AP3B1: variants seen among roughly 807,000 people sequenced by gnomAD.
AP3B1 encodes the protein adaptor related protein complex 3 subunit beta 1.
In AP3B1, 61 loss-of-function variants were observed where a neutral mutation model predicts 132.5. The observed-to-expected ratio is 0.46, with a 90% CI of 0.37 to 0.57. The LOEUF (loss-of-function observed/expected upper bound fraction) is 0.57. Among genes scored for constraint, AP3B1 ranks in the 20% least tolerant of loss-of-function variants. The probability of loss-of-function intolerance (pLI) is 0.00; values close to 1 mark genes in which losing one functional copy is unlikely to be tolerated. For missense variants in AP3B1, 1,120 were observed against 1,289.4 expected, an observed-to-expected ratio of 0.87 and a Z score of 2.01; for synonymous variants, 388 against 438.3, an observed-to-expected ratio of 0.89 and a Z score of 1.43.
chr5:78,177,591 C>G (rs191978467), intron 8 of AP3B1, among the ~76,000 whole-genome samples, 155 bp from the exon 9 acceptor site: 80 of 152,232 alleles, frequency 5.3e-4, no homozygotes, highest in African/African-American at 1.9e-3. Context: ...GAAGTGTCCC[C>G]CACTCCCAGT....
intron 7 of AP3B1, among the ~76,000 whole-genome samples, chr5:78,184,452 C>T (rs912611691): frequency 2.6e-5 from 4 of 151,648 alleles, no homozygotes; most frequent in African/African-American, 9.7e-5. Context: ...CTTTGGGAGG[C>T]GAGGCGGGTG....
chr5:78,204,850 C>A (rs1261389524), intron 7 of AP3B1, among the ~76,000 whole-genome samples: 1 of 152,162 alleles, frequency 6.6e-6, no homozygotes, highest in African/African-American at 2.4e-5. Flanking sequence ...GAGTTTCAGG[C>A]CCCATTTTCT....
intron 2 of AP3B1, among the ~76,000 whole-genome samples, chr5:78,252,244 A>C (rs927108973): frequency 2.6e-5 from 4 of 152,014 alleles, no homozygotes; most frequent in Non-Finnish European, 4.4e-5. Flanking sequence ...TTCAGGTGAG[A>C]CTCAGCACAT....
At chr5:78,245,576 T>C (rs1283748638) in intron 2 of AP3B1, among the ~76,000 whole-genome samples, 1 of 152,142 alleles carries the variant, frequency 6.6e-6, no homozygotes, top group Non-Finnish European at 1.5e-5. Flanking sequence ...TTTCCCAACA[T>C]GAAGAAAGGA....
intron 17 of AP3B1, among the ~76,000 whole-genome samples, chr5:78,122,066 C>G (rs1752233012): frequency 6.6e-6 from 1 of 152,140 alleles, no homozygotes. Context: ...AAATGTAATC[C>G]AGCATATAAA....
chr5:78,279,747 A>G (rs1748958620), intron 1 of AP3B1, among the ~76,000 whole-genome samples: 1 of 149,484 alleles, frequency 6.7e-6, no homozygotes, highest in Non-Finnish European at 1.5e-5. Flanking sequence ...AATCTCTACA[A>G]AAGAAAAATA....
intron 2 of AP3B1, among the ~76,000 whole-genome samples, chr5:78,241,187 T>C (rs1279369383): frequency 6.6e-6 from 1 of 150,440 alleles, no homozygotes; most frequent in Non-Finnish European, 1.5e-5. Flanking sequence ...TTTCTCTGGC[T>C]AACTGGGTTA....
At chr5:78,201,758 A>C (rs1745298065) in intron 7 of AP3B1, among the ~76,000 whole-genome samples, 1 of 152,196 alleles carries the variant, frequency 6.6e-6, no homozygotes, top group African/African-American at 2.4e-5. Flanking sequence ...ACAGACAGAG[A>C]GACATCCAAG....
At chr5:78,274,357 T>A in intron 1 of AP3B1, among the ~76,000 whole-genome samples, 2 of 147,630 alleles carry the variant, frequency 1.4e-5, no homozygotes, top group African/African-American at 2.5e-5. Context: ...CACAGAGAAA[T>A]AAAAGAATGG....
Position 78,156,264 on chromosome 5 carries a change from A to G in AP3B1, c.1467T>C (p.Ser489=), listed in dbSNP as rs772984182. 5 of 1,607,104 alleles carry G rather than the reference A, an allele frequency of 3.1e-6. No homozygotes were observed. The highest frequency in any genetic ancestry group is 4.3e-6 in the Non-Finnish European group (5 of 1,173,778). ...TCTCTTAATTGATACTCACAGTGAT[A>G]CTGTCCAGGAGTTTGGCCATATGTT... is the stretch of plus-strand genomic sequence containing the variant. ...IIKHMAKLLD[S]ITVPVARASI... Residue 489 remains serine, a synonymous_variant, in exon 14 of 27, where the codon AGT becomes AGC. Transcript: ENST00000255194.
intron 12 of AP3B1, 38 bp downstream of exon 12, chr5:78,165,572 G>A (rs1743579133): frequency 1.4e-6 from 2 of 1,416,540 alleles, no homozygotes; most frequent in African/African-American, 1.4e-5. Context: ...CTGAACATAT[G>A]TTTTAGAAGT....
chr5:78,027,227 TAATTA>T (rs943126293), intron 24 of AP3B1, among the ~76,000 whole-genome samples: 1 of 151,942 alleles, frequency 6.6e-6, no homozygotes, highest in Admixed American at 6.6e-5. Flanking sequence ...TAGTTTTTTA[TAATTA>T]AATAATAAAT....
At chr5:78,125,169 T>G (rs1488901640) in intron 17 of AP3B1, among the ~76,000 whole-genome samples, 1 of 152,198 alleles carries the variant, frequency 6.6e-6, no homozygotes, top group Non-Finnish European at 1.5e-5. Flanking sequence ...GCGGTCTTTC[T>G]GTCAGTAGAG....
intron 13 of AP3B1, among the ~76,000 whole-genome samples, chr5:78,157,576 A>G (rs892899941): frequency 1.3e-5 from 2 of 152,202 alleles, no homozygotes; most frequent in Non-Finnish European, 2.9e-5. Flanking sequence ...TTATGAAATG[A>G]ATCTTATATA....
chr5:78,230,818 T>C (rs1265235081), intron 3 of AP3B1, among the ~76,000 whole-genome samples: 2 of 152,148 alleles, frequency 1.3e-5, no homozygotes, highest in South Asian at 2.1e-4. Context: ...CTGTATGACA[T>C]TGAAAATATA....
Position 78,264,520 on chromosome 5 carries a change from G to A in AP3B1, c.204+3000C>T, listed in dbSNP as rs146414519. On this transcript the variant is annotated intron_variant, in intron 2 of 26. Transcript: ENST00000255194. ...GAAAACCCACTAAAGTTCTATAGGT[G>A]TCACATCACCAGTAAAACCTCAGGC... Among the ~76,000 whole-genome samples, 13 of 152,266 alleles carry A rather than the reference G, an allele frequency of 8.5e-5. No homozygotes were observed. In the East Asian group the frequency reaches 2.3e-3, roughly 27 times the overall value.
At chr5:78,040,588 C>T (rs1196501532) in intron 22 of AP3B1, among the ~76,000 whole-genome samples, 1 of 152,018 alleles carries the variant, frequency 6.6e-6, no homozygotes, top group Non-Finnish European at 1.5e-5. Flanking sequence ...TAATGAAACA[C>T]TGTCCATTCT....
chr5:78,049,709 G>A (rs1347727101), intron 22 of AP3B1, among the ~76,000 whole-genome samples: 1 of 152,150 alleles, frequency 6.6e-6, no homozygotes, highest in Non-Finnish European at 1.5e-5. Context: ...TATTCCAACA[G>A]CCTCCTAATT....
chr5:78,219,009 ATAACGGTGGGGCTTT>A (rs1173157464), intron 6 of AP3B1, among the ~76,000 whole-genome samples: 1 of 152,160 alleles, frequency 6.6e-6, no homozygotes, highest in Non-Finnish European at 1.5e-5. Flanking sequence ...TTTTTTGCAC[ATAACGGTGGGGCTTT>A]TATCAACATT....
Sources: gnomAD v4.1 joint callset for allele counts (sites outside exome capture counted in the v4.1 genomes callset) on GRCh38, gnomAD v4.1.1 for gene constraint, MANE v1.5 for transcripts, NCBI Gene and HGNC (gene_info 2026-07-23, HGNC 2026-07-21) for gene names.